The following C8orf34 variants were observed in gnomAD, a reference collection of about 807,000 sequenced individuals.
C8orf34 encodes chromosome 8 open reading frame 34.
C8orf34 carries 65 observed loss-of-function variants against 68.3 expected under a neutral mutation model. The ratio of observed to expected loss-of-function variants is 0.95; its 90% CI spans 0.78 to 1.17. The LOEUF is 1.17. Among genes scored for constraint, C8orf34 ranks in the 50% most tolerant of loss-of-function variants. C8orf34 has a pLI of 0.00. For synonymous variants in C8orf34, 244 were observed against 241.2 expected, an observed-to-expected ratio of 1.01 and a Z score of -0.11; for missense variants, 664 against 655.4, an observed-to-expected ratio of 1.01 and a Z score of -0.14.
intron 7 of C8orf34, among the ~76,000 whole-genome samples, chr8:68,617,005 G>A (rs1300520054): frequency 4.6e-5 from 7 of 152,046 alleles, no homozygotes; most frequent in Non-Finnish European, 8.8e-5. Context: ...AGGATAGTTA[G>A]CTCTTCTTGT....
chr8:68,369,372 T>G (rs1807456286), intron 1 of C8orf34, among the ~76,000 whole-genome samples: 1 of 152,244 alleles, frequency 6.6e-6, no homozygotes, highest in African/African-American at 2.4e-5. Flanking sequence ...AGTGGAACTG[T>G]AATGCTGTAA....
At chr8:68,687,413 G>T (rs761595498) in intron 8 of C8orf34, among the ~76,000 whole-genome samples, 1 of 151,852 alleles carries the variant, frequency 6.6e-6, no homozygotes, top group Non-Finnish European at 1.5e-5. Context: ...ATAAAAATAG[G>T]ATCTTAGACC....
chr8:68,446,189 T>A (rs1811113696), intron 2 of C8orf34, 140 bp from the exon 3 acceptor site: 1 of 652,192 alleles, frequency 1.5e-6, no homozygotes, highest in Non-Finnish European at 2.7e-6. Flanking sequence ...AAACAAGTAA[T>A]ACCTTTGCGT....
At chr8:68,713,561 T>C (rs903692516) in intron 9 of C8orf34, among the ~76,000 whole-genome samples, 2 of 152,008 alleles carry the variant, frequency 1.3e-5, no homozygotes, top group Admixed American at 6.6e-5. Context: ...CTAGAGGAGA[T>C]GGATAAATTC....
At chr8:68,501,255 A>G (rs1027157136) in intron 5 of C8orf34, among the ~76,000 whole-genome samples, 1 of 152,200 alleles carries the variant, frequency 6.6e-6, no homozygotes, top group Non-Finnish European at 1.5e-5. Flanking sequence ...ATGTGGACAC[A>G]GCCAACAACC....
intron 10 of C8orf34, among the ~76,000 whole-genome samples, chr8:68,765,378 A>G (rs1470837352): frequency 6.6e-6 from 1 of 152,226 alleles, no homozygotes; most frequent in African/African-American, 2.4e-5. Flanking sequence ...CAGTACGTAG[A>G]GTCTAGGCCA....
chr8:68,704,353 C>T (rs934710830), intron 8 of C8orf34, among the ~76,000 whole-genome samples: 1 of 151,848 alleles, frequency 6.6e-6, no homozygotes. Flanking sequence ...ATATATTCTG[C>T]CAGAGGTAAT....
chr8:68,472,315 T>C (rs1009726360), intron 4 of C8orf34, among the ~76,000 whole-genome samples: 2 of 152,140 alleles, frequency 1.3e-5, no homozygotes, highest in Admixed American at 6.6e-5. Context: ...TTCCTTCAAG[T>C]GTTTGCCCCC....
At chr8:68,362,595 C>A (rs1223030786) in intron 1 of C8orf34, among the ~76,000 whole-genome samples, 2 of 152,122 alleles carry the variant, frequency 1.3e-5, no homozygotes, top group South Asian at 4.2e-4. Context: ...CCCTGACCCC[C>A]GAGCAGCCTA....
intron 8 of C8orf34, among the ~76,000 whole-genome samples, chr8:68,677,535 T>G (rs954085705): frequency 6.6e-6 from 1 of 152,086 alleles, no homozygotes; most frequent in African/African-American, 2.4e-5. Flanking sequence ...AGTCTTATTT[T>G]TTTTGTAGAC....
At chr8:68,709,352 C>T (rs1369228) in intron 9 of C8orf34, among the ~76,000 whole-genome samples, 2 of 152,068 alleles carry the variant, frequency 1.3e-5, no homozygotes, top group South Asian at 4.1e-4. Context: ...TGGCTACTCC[C>T]TAAACTATGT....
chr8:68,429,891 G>T (rs1810381972), intron 1 of C8orf34, among the ~76,000 whole-genome samples: 1 of 152,076 alleles, frequency 6.6e-6, no homozygotes, highest in Non-Finnish European at 1.5e-5. Flanking sequence ...AAAAATAGTT[G>T]GTCTTTGTCC....
intron 8 of C8orf34, among the ~76,000 whole-genome samples, chr8:68,653,346 T>G (rs1318380859): frequency 6.6e-6 from 1 of 152,224 alleles, no homozygotes; most frequent in African/African-American, 2.4e-5. Context: ...TTACTCTGTA[T>G]AGCAATATAA....
intron 1 of C8orf34, among the ~76,000 whole-genome samples, chr8:68,420,641 A>T (rs746805257): frequency 6.6e-6 from 1 of 152,222 alleles, no homozygotes; most frequent in Non-Finnish European, 1.5e-5. Context: ...AAGAATTATC[A>T]GACACAGACA....
chr8:68,639,559 A>C (rs537471629), intron 7 of C8orf34, among the ~76,000 whole-genome samples: 140 of 152,242 alleles, frequency 9.2e-4, no homozygotes, highest in African/African-American at 3.3e-3. Flanking sequence ...TCAATAATGA[A>C]TTAGATTTTT....
chr8:68,331,064 G>A lies in C8orf34; in HGVS notation c.52G>A (p.Gly18Ser), dbSNP rs552745056. 3.5e-5 allele frequency: 52 copies of A among 1,484,898 alleles called. No homozygotes were observed. The highest frequency in any genetic ancestry group is 4.2e-5 in the Non-Finnish European group (47 of 1,128,796). The allele number at this position is 1,484,898 out of a possible 1,614,324, so 92.0% of individuals were successfully genotyped here. A position where few individuals can be genotyped will look rare whatever the true frequency, so the allele number is the denominator to read the frequency against. Residue 18 changes from glycine to serine, a missense_variant, in exon 1 of 14, where the codon GGC (glycine) becomes AGC (serine). Gly to Ser is a moderately conservative substitution (Grantham distance 56, BLOSUM62 0). Transcript: ENST00000518698. ...ELSELAALRP[G>S]FRLSAPHARV... ...GTCTGAGTTGGCGGCGCTGCGCCCA[G>A]GCTTCCGGCTCTCAGCGCCCCACGC... is the stretch of plus-strand genomic sequence containing the variant.
chr8:68,649,574 A>T (rs1819282062), intron 8 of C8orf34, among the ~76,000 whole-genome samples: 3 of 152,250 alleles, frequency 2.0e-5, no homozygotes, highest in South Asian at 4.1e-4. Context: ...ATGAAGGAAG[A>T]CATGAGAATA....
chr8:68,749,991 A>T (rs916813044), intron 10 of C8orf34, among the ~76,000 whole-genome samples: 1 of 152,086 alleles, frequency 6.6e-6, no homozygotes, highest in Admixed American at 6.6e-5. Context: ...GATTCCTAGG[A>T]GTGGAATTGC....
chr8:68,407,566 G>T (rs1449400882), intron 1 of C8orf34, among the ~76,000 whole-genome samples: 1 of 151,852 alleles, frequency 6.6e-6, no homozygotes, highest in Non-Finnish European at 1.5e-5. Context: ...TTTACTCATG[G>T]GTCTGTTCGT....
Sources: allele counts gnomAD v4.1 joint callset (sites outside exome capture counted in the v4.1 genomes callset), GRCh38; gene constraint gnomAD v4.1.1; transcripts MANE v1.5; gene names NCBI Gene and HGNC (gene_info 2026-07-23, HGNC 2026-07-21).